The following EML4 variants were observed in gnomAD, a reference collection of about 807,000 sequenced individuals.
EML4 encodes echinoderm microtubule-associated protein-like 4.
EML4 carries 72 observed loss-of-function variants against 129.0 expected under a neutral mutation model. The observed-to-expected ratio is 0.56, with a 90% confidence interval of 0.46 to 0.68. The LOEUF (loss-of-function observed/expected upper bound fraction) is 0.68. Ranked by LOEUF, EML4 falls within the 30% of genes least tolerant of loss-of-function variation. The pLI, the probability that EML4 is intolerant of heterozygous loss-of-function variation, is 0.00. For synonymous variants in EML4, 532 were observed against 405.0 expected (o/e 1.31, Z -3.77); for missense variants, 1,363 against 1,190.6 (o/e 1.14, Z -2.13).
rs1670023910 is a variant in EML4, at chr2:42,330,088, G to A, written c.2827G>A (p.Glu943Lys). The change falls in exon 23 of 23, where the codon GAA becomes AAA. Residue 943 changes from glutamate to lysine, a missense_variant. Coordinates refer to ENST00000318522, the MANE Select transcript of EML4 (RefSeq NM_019063.5). Reference protein sequence around the residue: ...PSEDHSEEESEEGSGDLGEPL... With the variant: ...PSEDHSEEESKEGSGDLGEPL... The stretch of plus-strand genomic sequence containing the variant: ...TGAAGACCACAGCGAGGAGGAGAGT[G>A]AAGAGGGCAGCGGAGACCTTGGTGA... 1.9e-6 allele frequency: 3 copies of A among 1,612,950 alleles called. No individual in the cohort carries two copies. The highest frequency in any genetic ancestry group is 2.5e-6 in the Non-Finnish European group (3 of 1,179,918).
Position 42,284,627 on chromosome 2 carries a change from T to G in EML4, c.942-7T>G, listed in dbSNP as rs1280670729. On this transcript the variant is annotated splice_polypyrimidine_tract_variant and splice_region_variant and intron_variant, in intron 8 of 22. Transcript: ENST00000318522. ...TGTTTAAAATCATTCTTAATACTGC[T>G]TTTTAGCCTTGCTATACATCCTGAC... 2 of 1,607,726 alleles carry G rather than the reference T, an allele frequency of 1.2e-6. No homozygotes were observed. Among genetic ancestry groups the G allele is most frequent in the Non-Finnish European group, 1.7e-6 (2 of 1,175,804 alleles).
At chr2:42,281,858 G>C (rs1037162184) in intron 7 of EML4, among the ~76,000 whole-genome samples, 6 of 152,206 alleles carry the variant, frequency 3.9e-5, no homozygotes, top group African/African-American at 1.4e-4. Context: ...TTTGAACTCT[G>C]TTGTCTGCCT....
At chr2:42,177,170 A>C (rs188067514) in intron 1 of EML4, among the ~76,000 whole-genome samples, 3 of 152,226 alleles carry the variant, frequency 2.0e-5, no homozygotes, top group African/African-American at 7.2e-5. Flanking sequence ...CTTGCAGTGG[A>C]GATTTCATGA....
At chr2:42,252,790 A>G (rs993482671) in intron 2 of EML4, among the ~76,000 whole-genome samples, 1 of 151,806 alleles carries the variant, frequency 6.6e-6, no homozygotes, top group Non-Finnish European at 1.5e-5. Context: ...TTAAGGCCTT[A>G]TTCTGTGTTT....
intron 1 of EML4, among the ~76,000 whole-genome samples, chr2:42,190,439 G>A (rs1000974024): frequency 1.3e-5 from 2 of 152,118 alleles, no homozygotes; most frequent in African/African-American, 2.4e-5. Context: ...TGTAAGGGAC[G>A]AAGAAAACCA....
intron 1 of EML4, among the ~76,000 whole-genome samples, chr2:42,199,347 C>T (rs560452449): frequency 6.6e-6 from 1 of 152,154 alleles, no homozygotes; most frequent in East Asian, 1.9e-4. Flanking sequence ...CTAATGGTGG[C>T]TGAAAAGGTA....
At chr2:42,252,812 C>A (rs1255858791) in intron 2 of EML4, among the ~76,000 whole-genome samples, 2 of 152,010 alleles carry the variant, frequency 1.3e-5, no homozygotes, top group Non-Finnish European at 1.5e-5. Context: ...TTCAAGGAAG[C>A]CTTTCTTGAG....
At chr2:42,305,064 C>T (rs1572725864) in intron 17 of EML4, among the ~76,000 whole-genome samples, 2 of 151,832 alleles carry the variant, frequency 1.3e-5, no homozygotes, top group Admixed American at 6.6e-5. Context: ...TGCAGTGAGC[C>T]GAGATTGTGC....
intron 1 of EML4, among the ~76,000 whole-genome samples, chr2:42,206,168 C>A (rs530035535): frequency 2.5e-4 from 38 of 152,286 alleles, no homozygotes; most frequent in African/African-American, 7.0e-4. Context: ...GCATTCCCCC[C>A]CTCTGGTCCA....
Position 42,279,883 on chromosome 2 carries a change from C to A in EML4, c.668-967C>A, listed in dbSNP as rs1039065033. On this transcript the variant is annotated intron_variant, in intron 6 of 22. Coordinates refer to ENST00000318522, the MANE Select transcript of EML4 (RefSeq NM_019063.5). ...TTCTCTGATGATTAGTGATGTTGAA[C>A]AGTTTTTTGTATACCTGTTGGCCAT... Among the ~76,000 whole-genome samples, 3 of 152,076 alleles carry A rather than the reference C, an allele frequency of 2.0e-5. No individual in the cohort carries two copies. The South Asian group carries it at 6.2e-4, about 31-fold the overall frequency.
At chr2:42,270,168 C>G (rs756778425) in intron 6 of EML4, among the ~76,000 whole-genome samples, 2 of 152,170 alleles carry the variant, frequency 1.3e-5, no homozygotes, top group Non-Finnish European at 1.5e-5. Context: ...TTTTTGGTAA[C>G]TTTCTGAAAG....
chr2:42,189,485 C>T (rs78495401), intron 1 of EML4, among the ~76,000 whole-genome samples: 4 of 152,134 alleles, frequency 2.6e-5, no homozygotes, highest in Non-Finnish European at 2.9e-5. Context: ...GAGGCCAAGA[C>T]GAGAGGATTG....
At chr2:42,239,518 A>G (rs553349920) in intron 1 of EML4, among the ~76,000 whole-genome samples, 342 of 152,362 alleles carry the variant, frequency 2.2e-3, no homozygotes, top group African/African-American at 7.7e-3. Flanking sequence ...AGACTGACTC[A>G]TGCCGGTAAA....
chr2:42,321,158 C>T (rs867371384), intron 19 of EML4, among the ~76,000 whole-genome samples: 9 of 89,588 alleles, frequency 1.0e-4, no homozygotes, highest in South Asian at 6.3e-4. Context: ...CCAAGGCGGG[C>T]GGATCACAAG....
chr2:42,172,561 G>T lies in EML4; in HGVS notation c.25+2925G>T, dbSNP rs1670343546. On this transcript the variant is annotated intron_variant, in intron 1 of 22. Transcript: ENST00000318522. ...TGATGAATTTCAGGCAACTTGGCTGGCAGGTGCTTGTACTCTGGAATTTCC... is the reference window on the plus strand; with the variant it reads ...TGATGAATTTCAGGCAACTTGGCTGTCAGGTGCTTGTACTCTGGAATTTCC... Among the ~76,000 whole-genome samples, 3 of 152,266 alleles carry T rather than the reference G, an allele frequency of 2.0e-5. No individual in the cohort carries two copies. In the South Asian group the frequency reaches 6.2e-4, roughly 32 times the overall value.
chr2:42,285,669 G>C (rs944833393), intron 9 of EML4, among the ~76,000 whole-genome samples: 1 of 150,922 alleles, frequency 6.6e-6, no homozygotes, highest in Non-Finnish European at 1.5e-5. Flanking sequence ...CACAATATTG[G>C]CTCACTGCAA....
At chr2:42,170,960 G>C (rs1049276725) in intron 1 of EML4, among the ~76,000 whole-genome samples, 1 of 152,146 alleles carries the variant, frequency 6.6e-6, no homozygotes, top group Non-Finnish European at 1.5e-5. Context: ...CTATAATTTT[G>C]GCCTTCCCTT....
chr2:42,296,853 C>CT (rs1465866378), intron 13 of EML4, among the ~76,000 whole-genome samples: 1 of 152,146 alleles, frequency 6.6e-6, no homozygotes. Context: ...TGCTCCTTGA[C>CT]TTCTGGATGG....
Position 42,228,503 on chromosome 2 carries a change from A to G in EML4, c.26-17002A>G, listed in dbSNP as rs553988854. Among the ~76,000 whole-genome samples, 3 of 152,356 alleles carry G rather than the reference A, an allele frequency of 2.0e-5. No homozygotes were observed. In the South Asian group the frequency reaches 6.2e-4, roughly 32 times the overall value. On this transcript the variant is annotated intron_variant, in intron 1 of 22. Coordinates refer to ENST00000318522, the MANE Select transcript of EML4 (RefSeq NM_019063.5). ...ATTTAAAATTTAGTATTCAATACTT[A>G]TATCATTTGGAATATAGCTGTAGTC...
Sources: gnomAD v4.1 joint callset for allele counts (sites outside exome capture counted in the v4.1 genomes callset) on GRCh38, gnomAD v4.1.1 for gene constraint, MANE v1.5 for transcripts, NCBI Gene and HGNC (gene_info 2026-07-23, HGNC 2026-07-21) for gene names.